MTMR8: variants seen among roughly 807,000 people sequenced by gnomAD.
MTMR8 encodes myotubularin related protein 8.
In MTMR8, 65 loss-of-function variants were observed where a neutral mutation model predicts 39.3. The ratio of observed to expected loss-of-function variants is 1.65; its 90% CI spans 1.35 to 2.03. MTMR8 has a LOEUF of 2.03. Among genes scored for constraint, MTMR8 ranks in the 30% most tolerant of loss-of-function variants. MTMR8 has a pLI of 0.00. For synonymous variants in MTMR8, 245 were observed against 185.2 expected (o/e 1.32, Z -2.62); for missense variants, 777 against 538.9 (o/e 1.44, Z -4.37).
intron 12 of MTMR8, among the ~76,000 whole-genome samples, chrX:64,299,347 A>G (rs1921752424): frequency 1.0e-5 from 1 of 95,485 alleles, no homozygotes; most frequent in Admixed American, 1.2e-4. Flanking sequence ...TTTCTTCTAG[A>G]TTTTCTAGTT....
At chrX:64,363,334 G>T (rs1000402661) in intron 1 of MTMR8, among the ~76,000 whole-genome samples, 2 of 111,776 alleles carry the variant, frequency 1.8e-5, no homozygotes, top group African/African-American at 6.5e-5. Flanking sequence ...CTGGATCATG[G>T]GGGTGAATTC....
intron 2 of MTMR8, among the ~76,000 whole-genome samples, chrX:64,357,512 C>A (rs1240117841): frequency 9.0e-6 from 1 of 111,234 alleles, no homozygotes; most frequent in Non-Finnish European, 1.9e-5. Flanking sequence ...GCAGCCTCAA[C>A]CTCCTGGGTT....
intron 1 of MTMR8, among the ~76,000 whole-genome samples, chrX:64,367,454 C>T (rs764781650): frequency 3.6e-5 from 4 of 112,127 alleles, no homozygotes; most frequent in African/African-American, 1.3e-4. Context: ...GCTGGTTCAA[C>T]ATATGCAAAT....
At chrX:64,364,730 C>A (rs1294620150) in intron 1 of MTMR8, among the ~76,000 whole-genome samples, 1 of 111,858 alleles carries the variant, frequency 8.9e-6, no homozygotes, top group East Asian at 2.8e-4. Flanking sequence ...CAGCTCCTCA[C>A]CAGCAACGGA....
intron 12 of MTMR8, among the ~76,000 whole-genome samples, chrX:64,279,042 G>A (rs777433616): frequency 3.0e-3 from 239 of 80,358 alleles, no homozygotes; most frequent in African/African-American, 9.3e-3. Flanking sequence ...CAGGAGGCAT[G>A]GGGTCAGGGA....
intron 12 of MTMR8, among the ~76,000 whole-genome samples, chrX:64,278,459 G>A (rs1329346941): frequency 2.0e-5 from 1 of 49,868 alleles, no homozygotes; most frequent in Admixed American, 2.5e-4. Flanking sequence ...TTATTTTGCT[G>A]GTTTTTTTTT....
chrX:64,301,531 C>T (rs1178082127), intron 12 of MTMR8, among the ~76,000 whole-genome samples: 1 of 110,588 alleles, frequency 9.0e-6, no homozygotes, highest in Non-Finnish European at 1.9e-5. Context: ...AATGTCCTCC[C>T]GTAGCTCAGA....
chrX:64,298,319 T>C lies in MTMR8; in HGVS notation c.1482-27246A>G, dbSNP rs1454264776. ...TCACATCCCTTGTAAGTTGGATTCC[T>C]AGGTATTTTATTCTCTTTGAAGCAA... On this transcript the variant is annotated intron_variant, in intron 12 of 13. Coordinates refer to ENST00000374852, the MANE Select transcript of MTMR8 (RefSeq NM_017677.4). 3.0e-5 allele frequency among the ~76,000 whole-genome samples: 3 copies of C among 99,809 alleles called. No homozygotes were observed. The East Asian group carries it at 9.5e-4, about 32-fold the overall frequency. 86.7% of individuals were successfully genotyped at this position (99,809 alleles called of 115,157 possible).
Position 64,289,702 on chromosome X carries a change from A to T in MTMR8, c.1482-18629T>A, listed in dbSNP as rs1025544298. ...GGACTCAAAAATATACTTTTACAAA[A>T]ATGTTCCATTCAGTATTATTCACAA... is the stretch of plus-strand genomic sequence containing the variant. On this transcript the variant is annotated intron_variant, in intron 12 of 13. Coordinates refer to ENST00000374852, the MANE Select transcript of MTMR8 (RefSeq NM_017677.4). 3.6e-5 allele frequency among the ~76,000 whole-genome samples: 4 copies of T among 109,635 alleles called. No homozygotes were observed. The East Asian group carries it at 1.1e-3, about 31-fold the overall frequency.
Position 64,337,461 on chromosome X carries a change from C to T in MTMR8, c.976-68G>A, listed in dbSNP as rs1462469433. The T allele has an allele frequency of 1.1e-5, 12 of 1,116,223 alleles. No homozygotes were observed. In the Admixed American group the frequency reaches 2.3e-4, roughly 22 times the overall value. The allele number at this position is 1,116,223 out of a possible 1,213,427, so 92.0% of individuals were successfully genotyped here. A position where few individuals can be genotyped will look rare whatever the true frequency, so the allele number is the denominator to read the frequency against. ...CACAGCTTGTTGGATTAAAGAGTTG[C>T]CAAATACTGTCCCTAAAGCACAGAG... On this transcript the variant is annotated intron_variant, in intron 8 of 13. Coordinates refer to ENST00000374852, the MANE Select transcript of MTMR8 (RefSeq NM_017677.4).
At chrX:64,361,583 C>A (rs1342277519) in intron 1 of MTMR8, among the ~76,000 whole-genome samples, 1 of 110,856 alleles carries the variant, frequency 9.0e-6, no homozygotes, top group African/African-American at 3.3e-5. Flanking sequence ...AAATCATATG[C>A]TTTATCTCAA....
At chrX:64,307,609 G>T (rs189640245) in intron 12 of MTMR8, among the ~76,000 whole-genome samples, 1 of 111,505 alleles carries the variant, frequency 9.0e-6, no homozygotes, top group African/African-American at 3.3e-5. Context: ...CCATATAAAT[G>T]TCTTGAAATT....
intron 1 of MTMR8, among the ~76,000 whole-genome samples, chrX:64,381,506 CT>C (rs1431522759): frequency 9.4e-6 from 1 of 105,903 alleles, no homozygotes; most frequent in East Asian, 2.9e-4. Flanking sequence ...GGATATTAGC[CT>C]TTTGTCAGAT....
At chrX:64,380,064 A>G (rs1167599143) in intron 1 of MTMR8, among the ~76,000 whole-genome samples, 1 of 112,109 alleles carries the variant, frequency 8.9e-6, no homozygotes, top group Non-Finnish European at 1.9e-5. Flanking sequence ...CAAAAAACCT[A>G]CAGATAACAT....
intron 12 of MTMR8, among the ~76,000 whole-genome samples, chrX:64,276,198 T>C (rs1393490481): frequency 4.5e-5 from 5 of 111,307 alleles, no homozygotes; most frequent in African/African-American, 1.3e-4. Flanking sequence ...AGTTCTGATC[T>C]GATCTTAGTC....
At position 64,337,166 on chromosome X, in the gene MTMR8, T is replaced by C; in HGVS notation, c.1101+102A>G. 3 of 908,827 alleles carry C rather than the reference T, an allele frequency of 3.3e-6. No individual in the cohort carries two copies. In the South Asian group the frequency reaches 7.5e-5, roughly 23 times the overall value. The allele number at this position is 908,827 out of a possible 1,213,427, so 74.9% of individuals were successfully genotyped here. A position where few individuals can be genotyped will look rare whatever the true frequency, so the allele number is the denominator to read the frequency against. ...ATTGGAAAAGCTATTTTTGTAGACT[T>C]AGAGCTAACTCTGGCAAAAAAAATA... On this transcript the variant is annotated intron_variant, in intron 9 of 13. Transcript: ENST00000374852.
intron 12 of MTMR8, among the ~76,000 whole-genome samples, chrX:64,297,717 C>G (rs1441903769): frequency 1.9e-5 from 2 of 107,110 alleles, no homozygotes; most frequent in Admixed American, 1.0e-4. Flanking sequence ...GGTTTTAGGT[C>G]TAACGTTTAA....
At chrX:64,342,551 G>C (rs1923246777) in intron 8 of MTMR8, among the ~76,000 whole-genome samples, 1 of 112,366 alleles carries the variant, frequency 8.9e-6, no homozygotes, top group South Asian at 3.6e-4. Context: ...TTTGGTTTCA[G>C]AAAGGGACTA....
intron 12 of MTMR8, among the ~76,000 whole-genome samples, chrX:64,287,426 G>T (rs1355787709): frequency 1.8e-5 from 2 of 111,353 alleles, no homozygotes; most frequent in Non-Finnish European, 3.8e-5. Context: ...TCCCCATCAA[G>T]CTACCAATGA....
Sources: gnomAD v4.1 joint callset for allele counts (sites outside exome capture counted in the v4.1 genomes callset) on GRCh38, gnomAD v4.1.1 for gene constraint, MANE v1.5 for transcripts, NCBI Gene and HGNC (gene_info 2026-07-23, HGNC 2026-07-21) for gene names.